Variants in CYP46A1 observed in about 807,000 individuals in gnomAD.
CYP46A1 encodes the protein cytochrome P450 family 46 subfamily A member 1, also known as cholesterol 24-hydroxylase.
Under a neutral mutation model 63.3 loss-of-function variants are expected in CYP46A1, and 20 were observed. The ratio of observed to expected loss-of-function variants is 0.32; its 90% CI spans 0.22 to 0.46. CYP46A1 has a LOEUF of 0.46. Ranked by LOEUF, CYP46A1 falls within the 20% of genes least tolerant of loss-of-function variation. The pLI is 1.00. For synonymous variants in CYP46A1, 268 were observed against 273.6 expected (o/e 0.98, Z 0.20); for missense variants, 445 against 670.8 (o/e 0.66, Z 3.72).
Position 99,706,684 on chromosome 14 carries a change from G to T in CYP46A1, c.481G>T (p.Ala161Ser). Residue 161 changes from alanine (A) to serine (S), a missense_variant, in exon 6 of 15, where the codon GCT (alanine) becomes TCT (serine). Ala to Ser is a moderately conservative substitution (Grantham distance 99). Coordinates refer to ENST00000261835, the MANE Select transcript of CYP46A1 (RefSeq NM_006668.2). ...VSLMETFNEK[A>S]EQLVEILEAK... ...CTTAATGGAAACATTCAACGAGAAG[G>T]CTGAGCAGCTGGTGGAGATTCTAGA... 6.2e-7 allele frequency: 1 copy of T among 1,613,964 alleles called. No individual in the cohort carries two copies. The highest frequency in any genetic ancestry group is 2.2e-5 in the East Asian group (1 of 44,874).
chr14:99,695,325 C>T (rs536776575), intron 3 of CYP46A1: 3 of 250,470 alleles, frequency 1.2e-5, no homozygotes, highest in Non-Finnish European at 1.6e-5. Context: ...TAGTGTTATT[C>T]AAATCTTTTA....
chr14:99,713,956 T>C (rs1024739161), intron 7 of CYP46A1, among the ~76,000 whole-genome samples: 1 of 148,352 alleles, frequency 6.7e-6, no homozygotes, highest in Non-Finnish European at 1.5e-5. Context: ...AAAGAAACTA[T>C]CAACAGAATA....
At chr14:99,687,432 G>A (rs2056503955) in intron 1 of CYP46A1, among the ~76,000 whole-genome samples, 1 of 152,206 alleles carries the variant, frequency 6.6e-6, no homozygotes. Flanking sequence ...AAGGAGCAGG[G>A]TGGCCAGCCA....
In CYP46A1 at chr14:99,684,521, G is replaced by A; in HGVS notation, c.104G>A (p.Gly35Glu). Residue 35 changes from glycine (G) to glutamate (E), a missense_variant, in exon 1 of 15, where the codon GGG (glycine) becomes GAG (glutamate). Physicochemically the swap from Gly to Glu is moderately conservative, Grantham distance 98. Coordinates refer to ENST00000261835, the MANE Select transcript of CYP46A1 (RefSeq NM_006668.2). ...CGCAGCCGCTACGAGCACATCCCCG[G>A]GCCGCCGCGGCCCAGGTGAGCGGGG... ...RARSRYEHIP[G>E]PPRPSFLLGH... 1 of 1,473,494 alleles carries A rather than the reference G, an allele frequency of 6.8e-7. No individual in the cohort carries two copies. Among genetic ancestry groups the A allele is most frequent in the Non-Finnish European group, 9.0e-7 (1 of 1,117,162 alleles). The allele number at this position is 1,473,494 out of a possible 1,614,324, so 91.3% of individuals were successfully genotyped here. A position where few individuals can be genotyped will look rare whatever the true frequency, so the allele number is the denominator to read the frequency against.
chr14:99,693,266 A>G (rs964999869), intron 3 of CYP46A1: 28 of 152,740 alleles, frequency 1.8e-4, no homozygotes, highest in African/African-American at 6.8e-4. Flanking sequence ...GACAGGTTGA[A>G]TGAATAACCA....
At position 99,726,713 on chromosome 14, in the gene CYP46A1, C is replaced by T. The variant is rs1595212359; in HGVS notation, c.1489C>T (p.Pro497Ser). 1 of 1,534,234 alleles carries T rather than the reference C, an allele frequency of 6.5e-7. No homozygotes were observed. The highest frequency in any genetic ancestry group is 8.8e-7 in the Non-Finnish European group (1 of 1,138,744). The change falls in exon 15 of 15, where the codon CCA becomes TCA. Residue 497 changes from proline (P) to serine (S), a missense_variant. By Grantham distance (74) the Pro-to-Ser change is moderately conservative. Coordinates refer to ENST00000261835, the MANE Select transcript of CYP46A1 (RefSeq NM_006668.2). The stretch of plus-strand genomic sequence containing the variant: ...CCGCGGCTGGCAGCCCGCACCCCCA[C>T]CACCCCCCTGCTGAGGGGGCCTCCA... ...RPRGWQPAPP[P>S]PPC
Position 99,721,330 on chromosome 14 carries a change from G to A in CYP46A1, c.1065+7G>A. ...ACTGCAGTACCTGTCCCAGGTGTGG[G>A]AAGTAGGAGGGAAGCTTCTGGGCGG... On this transcript the variant is annotated splice_region_variant and intron_variant, in intron 11 of 14. Transcript: ENST00000261835. 6.3e-7 allele frequency: 1 copy of A among 1,589,796 alleles called. No individual in the cohort carries two copies. The highest frequency in any genetic ancestry group is 8.6e-7 in the Non-Finnish European group (1 of 1,157,788).
In CYP46A1 at chr14:99,722,674, TGTGTGC is replaced by T. The variant is rs1163987966; in HGVS notation, c.1176+609_1176+614del. Among the ~76,000 whole-genome samples, 1 of 151,280 alleles carries T rather than the reference TGTGTGC, an allele frequency of 6.6e-6. No homozygotes were observed. The highest frequency in any genetic ancestry group is 1.5e-5 in the Non-Finnish European group (1 of 67,980). On this transcript the variant is annotated intron_variant, in intron 12 of 14. Transcript: ENST00000261835. This position sits in a 1 kb window ranked among gnomAD's most constrained non-coding sequence, Gnocchi z 4.6. The stretch of plus-strand genomic sequence containing the variant: ...GTGTGTGTGTGTGTGTGTGTGTGTG[TGTGTGC>T]CTGTGTGCATTCACGCAGTAATATA...
intron 3 of CYP46A1, among the ~76,000 whole-genome samples, chr14:99,694,936 A>G (rs952088379): frequency 3.9e-5 from 6 of 152,222 alleles, no homozygotes; most frequent in African/African-American, 1.4e-4. Context: ...AGAGCTATAC[A>G]TTTCCTTCTA....
intron 3 of CYP46A1, chr14:99,695,516 G>C (rs1198941242): frequency 2.8e-6 from 1 of 360,870 alleles, no homozygotes; most frequent in Non-Finnish European, 5.6e-6. Flanking sequence ...ATGATGAATT[G>C]ACTCTTTTAT....
intron 7 of CYP46A1, chr14:99,711,264 C>A (rs1420573149): frequency 1.3e-5 from 2 of 151,702 alleles, no homozygotes; most frequent in African/African-American, 4.8e-5. Context: ...AAAGCAAGAA[C>A]AAATCAAAGC....
At chr14:99,726,034 G>A (rs111320321) in intron 13 of CYP46A1, among the ~76,000 whole-genome samples, 156 bp from the exon 14 acceptor site, 8 of 152,344 alleles carry the variant, frequency 5.3e-5, no homozygotes, top group East Asian at 1.9e-4. Flanking sequence ...TCCAGCCCTC[G>A]GCAGAGTCAG....
At chr14:99,708,908 C>T (rs2056704749) in intron 7 of CYP46A1, 1 of 152,262 alleles carries the variant, frequency 6.6e-6, no homozygotes, top group African/African-American at 2.4e-5. Flanking sequence ...ATGGCCTCCA[C>T]TAACAATGAC....
chr14:99,693,287 G>A lies in CYP46A1; in HGVS notation c.282+1426G>A, dbSNP rs989739901. ...TTGAATGAATAACCAGGAATCTCTAGCAGAATGTTAAAAATAATTTTTCAT... is the reference window on the plus strand; with the variant it reads ...TTGAATGAATAACCAGGAATCTCTAACAGAATGTTAAAAATAATTTTTCAT... On this transcript the variant is annotated intron_variant, in intron 3 of 14. Transcript: ENST00000261835. 3 of 152,458 alleles carry A rather than the reference G, an allele frequency of 2.0e-5. No individual in the cohort carries two copies. In the East Asian group the frequency reaches 5.8e-4, roughly 29 times the overall value. 9.4% of individuals were successfully genotyped at this position (152,458 alleles called of 1,614,324 possible).
chr14:99,719,954 G>A (rs766897619), intron 10 of CYP46A1, among the ~76,000 whole-genome samples: 3 of 151,536 alleles, frequency 2.0e-5, no homozygotes, highest in African/African-American at 7.3e-5. Flanking sequence ...TAGTAGAGAC[G>A]GGGCTTCACG....
Position 99,727,065 on chromosome 14 carries a change from C to T in CYP46A1, c.*338C>T, listed in dbSNP as rs1331206757. 3.4e-6 allele frequency: 1 copy of T among 293,712 alleles called. No individual in the cohort carries two copies. The highest frequency in any genetic ancestry group is 5.2e-5 in the Admixed American group (1 of 19,288). The allele number at this position is 293,712 out of a possible 1,614,324, so 18.2% of individuals were successfully genotyped here. On this transcript the variant is annotated 3_prime_UTR_variant, in exon 15 of 15. Coordinates refer to ENST00000261835, the MANE Select transcript of CYP46A1 (RefSeq NM_006668.2). ...TCAGGGGTCACCTCCTCCAAGAAGC[C>T]CTCCTTGCCACCCCCCGCCGGCAGG...
intron 1 of CYP46A1, 131 bp downstream of exon 1, chr14:99,684,667 C>T (rs534911996): frequency 4.1e-6 from 3 of 731,186 alleles, no homozygotes; most frequent in African/African-American, 1.8e-5. Flanking sequence ...TCGGCGGCCC[C>T]GAGAGGGGCG....
chr14:99,690,977 G>A (rs572288409), intron 1 of CYP46A1, 104 bp from the exon 2 acceptor site: 7 of 1,086,580 alleles, frequency 6.4e-6, no homozygotes, highest in African/African-American at 1.6e-5. Context: ...CCCATGCCTC[G>A]GTCCTCCTGT....
At position 99,692,030 on chromosome 14, in the gene CYP46A1, C is replaced by T. The variant is rs533220194; in HGVS notation, c.282+169C>T. On this transcript the variant is annotated intron_variant, in intron 3 of 14. Transcript: ENST00000261835. ...CATCTTTCCCTCTAAGCACCCACTC[C>T]TTGGGGACTCTTGCAAGCATTGCCT... Among the ~76,000 whole-genome samples, 4 of 152,276 alleles carry T rather than the reference C, an allele frequency of 2.6e-5. No homozygotes were observed. In the South Asian group the frequency reaches 8.3e-4, roughly 32 times the overall value.
Sources: gnomAD v4.1 joint callset for allele counts (sites outside exome capture counted in the v4.1 genomes callset) on GRCh38, gnomAD v4.1.1 for gene constraint, Gnocchi (gnomAD v3.1) non-coding constraint, MANE v1.5 for transcripts, NCBI Gene and HGNC (gene_info 2026-07-23, HGNC 2026-07-21) for gene names.